TRIM66: variants seen among roughly 807,000 people sequenced by gnomAD.
TRIM66 encodes tripartite motif-containing protein 66.
Under a neutral mutation model 148.2 loss-of-function variants are expected in TRIM66, and 99 were observed. The ratio of observed to expected loss-of-function variants is 0.67; its 90% confidence interval spans 0.57 to 0.79. The LOEUF is 0.79. Among genes scored for constraint, TRIM66 ranks in the 30% least tolerant of loss-of-function variants. The pLI is 0.00. For synonymous variants in TRIM66, 616 were observed against 635.9 expected (o/e 0.97, Z 0.47); for missense variants, 1,666 against 1,697.9 (o/e 0.98, Z 0.33).
At chr11:8,646,709 T>C in intron 10 of TRIM66, 148 bp from the exon 11 acceptor site, 1 of 637,784 alleles carries the variant, frequency 1.6e-6, no homozygotes, top group East Asian at 2.7e-5. Context: ...AGAGCCTTCC[T>C]CCACCATCCC....
In TRIM66 at chr11:8,616,711, T is replaced by C. The variant is rs1023049746; in HGVS notation, c.*1233A>G. The C allele has an allele frequency of 1.3e-5, 2 of 152,298 alleles. No individual in the cohort carries two copies. Among genetic ancestry groups the C allele is most frequent in the Non-Finnish European group, 2.9e-5 (2 of 68,110 alleles). The allele number at this position is 152,298 out of a possible 1,614,324, so 9.4% of individuals were successfully genotyped here. A position where few individuals can be genotyped will look rare whatever the true frequency, so the allele number is the denominator to read the frequency against. On this transcript the variant is annotated 3_prime_UTR_variant, in exon 25 of 25. Transcript: ENST00000646038. ...TGGTCACCAAAGGACACTGGCTTTT[T>C]GCCTCTTGATTTTTCCCCCTGTCCA... is the stretch of plus-strand genomic sequence containing the variant.
chr11:8,672,571 A>G (rs1444117764), intron 4 of TRIM66, among the ~76,000 whole-genome samples, 186 bp from the exon 5 acceptor site: 1 of 151,888 alleles, frequency 6.6e-6, no homozygotes, highest in Admixed American at 6.6e-5. Context: ...CAAATGGCAG[A>G]GTCCAAATTC....
At chr11:8,638,270 G>A (rs2036060276) in intron 15 of TRIM66, among the ~76,000 whole-genome samples, 2 of 152,180 alleles carry the variant, frequency 1.3e-5, no homozygotes, top group Admixed American at 1.3e-4. Context: ...GTAAGGCCCT[G>A]GACTTCAGTT....
intron 15 of TRIM66, among the ~76,000 whole-genome samples, chr11:8,629,339 T>C (rs1211203304): frequency 6.6e-6 from 1 of 152,242 alleles, no homozygotes; most frequent in Admixed American, 6.5e-5. Context: ...TTGACATGTA[T>C]GTTTAGTGTG....
At chr11:8,662,944 T>G (rs1415757726) in intron 6 of TRIM66, among the ~76,000 whole-genome samples, 1 of 152,230 alleles carries the variant, frequency 6.6e-6, no homozygotes, top group Non-Finnish European at 1.5e-5. Context: ...AGTATAATTT[T>G]GGTACTCAGT....
chr11:8,649,562 G>A (rs1274439008), intron 8 of TRIM66, among the ~76,000 whole-genome samples, 178 bp downstream of exon 8: 1 of 152,162 alleles, frequency 6.6e-6, no homozygotes, highest in Non-Finnish European at 1.5e-5. Context: ...CAACAGGGAG[G>A]GACGAGAGTG....
rs1351037538 is a variant in TRIM66 at position 8,682,638 on chromosome 11, G to C, written c.-585C>G. The C allele has an allele frequency of 5.6e-6, 4 of 717,204 alleles. No homozygotes were observed. The highest frequency in any genetic ancestry group is 5.2e-5 in the East Asian group (2 of 38,198). The allele number at this position is 717,204 out of a possible 1,614,324, so 44.4% of individuals were successfully genotyped here. A position where few individuals can be genotyped will look rare whatever the true frequency, so the allele number is the denominator to read the frequency against. On this transcript the variant is annotated 5_prime_UTR_variant, in exon 1 of 25. Coordinates refer to ENST00000646038, the MANE Select transcript of TRIM66 (RefSeq NM_001388022.1). The stretch of plus-strand genomic sequence containing the variant: ...CCGCCACCAGGACACTCCGTGATGG[G>C]GGATCACCACCCTCAGAAAGAGGAA...
intron 6 of TRIM66, among the ~76,000 whole-genome samples, chr11:8,661,128 C>T (rs1053945272): frequency 1.3e-5 from 2 of 152,166 alleles, no homozygotes; most frequent in African/African-American, 4.8e-5. Flanking sequence ...GAAGTGACGT[C>T]AGGAAAAATA....
In TRIM66 at chr11:8,615,681, G is replaced by A. The variant is rs912527189; in HGVS notation, c.*2263C>T. 6.6e-6 allele frequency: 1 copy of A among 152,170 alleles called. No individual in the cohort carries two copies. Among genetic ancestry groups the A allele is most frequent in the African/African-American group, 2.4e-5 (1 of 41,420 alleles). The allele number at this position is 152,170 out of a possible 1,614,324, so 9.4% of individuals were successfully genotyped here. A position where few individuals can be genotyped will look rare whatever the true frequency, so the allele number is the denominator to read the frequency against. On this transcript the variant is annotated 3_prime_UTR_variant, in exon 25 of 25. Coordinates refer to ENST00000646038, the MANE Select transcript of TRIM66 (RefSeq NM_001388022.1). The stretch of plus-strand genomic sequence containing the variant: ...TCTCAGCATGCAGGCTCTCTACGAT[G>A]AGAAGGGAGCATGTGTCTCTCTAGC...
intron 6 of TRIM66, among the ~76,000 whole-genome samples, chr11:8,667,565 C>T (rs939494823): frequency 2.6e-5 from 4 of 152,152 alleles, no homozygotes; most frequent in African/African-American, 7.2e-5. Flanking sequence ...CATCAAATAA[C>T]AACTCACCAT....
intron 14 of TRIM66, among the ~76,000 whole-genome samples, chr11:8,639,601 G>A (rs2036191888): frequency 6.6e-6 from 1 of 152,218 alleles, no homozygotes; most frequent in South Asian, 2.1e-4. Context: ...ATGATATGGA[G>A]ACAAACTGCT....
In TRIM66 at chr11:8,624,702, C is replaced by A; in HGVS notation, c.2826+11G>T. The stretch of plus-strand genomic sequence containing the variant: ...CAAAGGAAGTTTGGATAGCATTTCC[C>A]CAGGACTTACCTTACACAGAGCATT... On this transcript the variant is annotated intron_variant, in intron 16 of 24. Coordinates refer to ENST00000646038, the MANE Select transcript of TRIM66 (RefSeq NM_001388022.1). 6.7e-7 allele frequency: 1 copy of A among 1,493,390 alleles called. No individual in the cohort carries two copies. Among genetic ancestry groups the A allele is most frequent in the South Asian group, 1.4e-5 (1 of 73,970 alleles). The allele number at this position is 1,493,390 out of a possible 1,614,324, so 92.5% of individuals were successfully genotyped here.
intron 5 of TRIM66, 26 bp from the exon 6 acceptor site, chr11:8,672,124 G>A: frequency 6.5e-7 from 1 of 1,529,110 alleles, no homozygotes. Flanking sequence ...AAAGCAGAGT[G>A]ATCTACTTAT....
intron 4 of TRIM66, among the ~76,000 whole-genome samples, chr11:8,673,307 A>C (rs2133514911): frequency 6.6e-6 from 1 of 152,260 alleles, no homozygotes; most frequent in East Asian, 1.9e-4. Flanking sequence ...AATTTTTTAA[A>C]ATTAGTGTTT....
chr11:8,672,174 G>A (rs2038969463), intron 5 of TRIM66, 74 bp downstream of exon 5: 2 of 1,532,778 alleles, frequency 1.3e-6, no homozygotes, highest in African/African-American at 1.4e-5. Flanking sequence ...GGGCCTTCGA[G>A]AACAAGGCCT....
intron 7 of TRIM66, among the ~76,000 whole-genome samples, chr11:8,650,797 A>C (rs934674371): frequency 4.6e-5 from 7 of 152,224 alleles, no homozygotes; most frequent in African/African-American, 1.4e-4. Context: ...CAGGCAGATA[A>C]GGGAGGAAAA....
Position 8,619,550 on chromosome 11 carries a change from C to T in TRIM66, c.3748-15G>A. ...TAATGCCGGGCCTTGGGGGAGGAGA[C>T]ATGAGGAGAAGGAGGCAAAGGGAGT... On this transcript the variant is annotated splice_polypyrimidine_tract_variant and intron_variant, in intron 22 of 24. Coordinates refer to ENST00000646038, the MANE Select transcript of TRIM66 (RefSeq NM_001388022.1). 1 of 1,518,294 alleles carries T rather than the reference C, an allele frequency of 6.6e-7. No individual in the cohort carries two copies. The highest frequency in any genetic ancestry group is 1.3e-5 in the South Asian group (1 of 78,256). 94.1% of individuals were successfully genotyped at this position (1,518,294 alleles called of 1,614,324 possible).
chr11:8,641,201 C>T, intron 13 of TRIM66, 49 bp from the exon 14 acceptor site: 2 of 1,475,046 alleles, frequency 1.4e-6, no homozygotes, highest in Non-Finnish European at 9.1e-7. Context: ...AAGTTGCTCC[C>T]ACCTTGCTAC....
chr11:8,647,869 G>T lies in TRIM66; in HGVS notation c.842+101C>A, dbSNP rs2037003624. ...ATATGCCCACATCTGCTTAACCACA[G>T]TTCCTCTTCACAGGCACTACATCTG... On this transcript the variant is annotated intron_variant, in intron 10 of 24. Coordinates refer to ENST00000646038, the MANE Select transcript of TRIM66 (RefSeq NM_001388022.1). 5 of 911,618 alleles carry T rather than the reference G, an allele frequency of 5.5e-6. No individual in the cohort carries two copies. In the Admixed American group the frequency reaches 1.0e-4, roughly 19 times the overall value. 56.5% of individuals were successfully genotyped at this position (911,618 alleles called of 1,614,324 possible).
Sources: gnomAD v4.1 joint callset for allele counts (sites outside exome capture counted in the v4.1 genomes callset) on GRCh38, gnomAD v4.1.1 for gene constraint, MANE v1.5 for transcripts, NCBI Gene and HGNC (gene_info 2026-07-23, HGNC 2026-07-21) for gene names.